The following PAPOLG variants were observed in gnomAD, a reference collection of about 807,000 sequenced individuals.
PAPOLG encodes PAP-gamma.
A neutral mutation model predicts 99.0 loss-of-function variants in PAPOLG; 40 were observed. The ratio of observed to expected loss-of-function variants is 0.40; its 90% CI spans 0.31 to 0.53. PAPOLG has a LOEUF of 0.53. PAPOLG is among the 20% of genes least tolerant of loss of function. The probability of loss-of-function intolerance (pLI) is 0.41; values close to 1 mark genes in which losing one functional copy is unlikely to be tolerated. For missense variants in PAPOLG, 675 were observed against 884.1 expected (o/e 0.76, Z 3.00); for synonymous variants, 310 against 299.3 (o/e 1.04, Z -0.37).
intron 1 of PAPOLG, among the ~76,000 whole-genome samples, chr2:60,756,697 G>A (rs1670352590): frequency 6.6e-6 from 1 of 152,112 alleles, no homozygotes; most frequent in Non-Finnish European, 1.5e-5. Context: ...ACGGACTCGG[G>A]GACTCCGGGA....
At chr2:60,768,689 C>T in intron 4 of PAPOLG, 92 bp from the exon 5 acceptor site, 1 of 1,360,092 alleles carries the variant, frequency 7.4e-7, no homozygotes, top group Non-Finnish European at 1.0e-6. Context: ...TACTCAACTT[C>T]CATACTTTCT....
At chr2:60,792,317 T>C (rs773053544) in intron 17 of PAPOLG, 28 bp downstream of exon 17, 12 of 1,561,746 alleles carry the variant, frequency 7.7e-6, no homozygotes, top group Non-Finnish European at 1.0e-5. Context: ...ATGTGTCCTT[T>C]TGGTTTTCTG....
chr2:60,758,672 A>G (rs1382321238), intron 1 of PAPOLG, among the ~76,000 whole-genome samples: 1 of 151,896 alleles, frequency 6.6e-6, no homozygotes, highest in African/African-American at 2.4e-5. Context: ...CAAGTAATCC[A>G]CCTGCCTTGG....
At chr2:60,785,327 C>T (rs545659940) in intron 13 of PAPOLG, among the ~76,000 whole-genome samples, 8 of 152,004 alleles carry the variant, frequency 5.3e-5, no homozygotes, top group South Asian at 4.2e-4. Flanking sequence ...TTAGTAGAGA[C>T]GGGGTTTCAC....
At position 60,779,702 on chromosome 2, in the gene PAPOLG, A is replaced by C; in HGVS notation, c.760A>C (p.Arg254=). ...TGTCTCCTGGGCAATGCTAGTTGCA[A>C]GAACTTGCCAATTGTATCCAAATGC... ...GGVSWAMLVA[R]TCQLYPNAAA... The change falls in exon 9 of 22, where the codon AGA becomes CGA. Residue 254 remains arginine, a synonymous_variant. Transcript: ENST00000238714. 2 of 1,614,100 alleles carry C rather than the reference A, an allele frequency of 1.2e-6. No individual in the cohort carries two copies. Among genetic ancestry groups the C allele is most frequent in the Non-Finnish European group, 1.7e-6 (2 of 1,179,944 alleles).
In PAPOLG at chr2:60,779,627, G is replaced by A. The variant is rs1360196553; in HGVS notation, c.695-10G>A. The A allele has an allele frequency of 3.8e-6, 6 of 1,599,316 alleles. No homozygotes were observed. Among genetic ancestry groups the A allele is most frequent in the Middle Eastern group, 1.7e-4 (1 of 6,010 alleles). On this transcript the variant is annotated splice_polypyrimidine_tract_variant and intron_variant, in intron 8 of 21. Coordinates refer to ENST00000238714, the MANE Select transcript of PAPOLG (RefSeq NM_022894.4). Reference sequence around the variant, plus strand: ...CCTAATAATAATTAACAAATATATTGATTTTCTAGGACGTGGTATTTATTC... The same window carrying A: ...CCTAATAATAATTAACAAATATATTAATTTTCTAGGACGTGGTATTTATTC...
intron 3 of PAPOLG, among the ~76,000 whole-genome samples, chr2:60,767,485 TAG>T (rs774719585): frequency 7.2e-5 from 11 of 152,088 alleles, no homozygotes; most frequent in Admixed American, 6.6e-5. Flanking sequence ...TTCTTTTTTG[TAG>T]AGATGGTGTC....
At chr2:60,789,901 C>T (rs1199743483) in intron 15 of PAPOLG, among the ~76,000 whole-genome samples, 1 of 152,098 alleles carries the variant, frequency 6.6e-6, no homozygotes, top group African/African-American at 2.4e-5. Flanking sequence ...ACCAACCTGG[C>T]CAACATGGTG....
At chr2:60,765,588 G>A (rs1034372894) in intron 3 of PAPOLG, among the ~76,000 whole-genome samples, 7 of 151,896 alleles carry the variant, frequency 4.6e-5, no homozygotes, top group Non-Finnish European at 7.4e-5. Context: ...AAGGATTTGG[G>A]TTTAATCAAA....
At position 60,782,543 on chromosome 2, in the gene PAPOLG, T is replaced by C. The variant is rs200740392; in HGVS notation, c.1028-143T>C. On this transcript the variant is annotated intron_variant, in intron 11 of 21. Coordinates refer to ENST00000238714, the MANE Select transcript of PAPOLG (RefSeq NM_022894.4). ...CCACACTCCAGCCTGGGTGACAGAG[T>C]GAGACTCTGTCTCAAAAAAAGAAAA... The C allele has an allele frequency of 2.3e-6, 3 of 1,297,006 alleles. No individual in the cohort carries two copies. The African/African-American group carries it at 5.2e-5, about 22-fold the overall frequency. 80.3% of individuals were successfully genotyped at this position (1,297,006 alleles called of 1,614,324 possible).
At chr2:60,771,701 A>AT in intron 7 of PAPOLG, 71 bp downstream of exon 7, 1 of 1,506,772 alleles carries the variant, frequency 6.6e-7, no homozygotes, top group Non-Finnish European at 8.9e-7. Flanking sequence ...TTTTTGCTGA[A>AT]TTGACTATTC....
At chr2:60,786,007 C>T (rs776990433) in intron 13 of PAPOLG, among the ~76,000 whole-genome samples, 4 of 152,028 alleles carry the variant, frequency 2.6e-5, no homozygotes, top group Non-Finnish European at 5.9e-5. Context: ...AAAAAAAGAA[C>T]ACACAGAAAT....
intron 12 of PAPOLG, 65 bp downstream of exon 12, chr2:60,782,835 T>G: frequency 3.4e-6 from 5 of 1,475,138 alleles, no homozygotes; most frequent in Non-Finnish European, 4.5e-6. Flanking sequence ...ATGTTAAACA[T>G]AGTTAATATA....
Position 60,760,200 on chromosome 2 carries a change from A to G in PAPOLG, c.84A>G (p.Ala28=), listed in dbSNP as rs756895246. 6 of 1,613,790 alleles carry G rather than the reference A, an allele frequency of 3.7e-6. No homozygotes were observed. The highest frequency in any genetic ancestry group is 2.2e-5 in the East Asian group (1 of 44,886). The change falls in exon 2 of 22, where the codon GCA becomes GCG. Residue 28 remains alanine, a synonymous_variant. Coordinates refer to ENST00000238714, the MANE Select transcript of PAPOLG (RefSeq NM_022894.4). ...HYGITSPISL[A]SPKEIDHIYT... is the part of the protein sequence containing the mutation. The stretch of plus-strand genomic sequence containing the variant: ...GAATTACCTCCCCAATTAGTTTGGC[A>G]TCTCCTAAAGAAATTGATCATATTT...
intron 5 of PAPOLG, among the ~76,000 whole-genome samples, chr2:60,769,203 T>G (rs1338398883): frequency 6.6e-6 from 1 of 152,170 alleles, no homozygotes; most frequent in East Asian, 1.9e-4. Flanking sequence ...TTTTGAGTAT[T>G]GATGAGATAT....
Position 60,792,204 on chromosome 2 carries a change from G to A in PAPOLG, c.1594G>A (p.Asp532Asn). The change falls in exon 17 of 22, where the codon GAT (aspartate) becomes AAT (asparagine). Residue 532 changes from aspartate to asparagine, a missense_variant. This residue lies in a region of PAPOLG where 413 missense variants were observed against 460.5 expected (regional missense o/e 0.90). Coordinates refer to ENST00000238714, the MANE Select transcript of PAPOLG (RefSeq NM_022894.4). ...ATTGTCTCTGGATAGCAGTTGTCTG[G>A]ATAGCTCCAGAGACACTGATAATGG... is the stretch of plus-strand genomic sequence containing the variant. The part of the protein sequence containing the change: ...KRLSLDSSCL[D>N]SSRDTDNGTP... 6.2e-7 allele frequency: 1 copy of A among 1,609,168 alleles called. No homozygotes were observed.
At chr2:60,780,972 A>C (rs1671170814) in intron 10 of PAPOLG, among the ~76,000 whole-genome samples, 193 bp downstream of exon 10, 1 of 152,156 alleles carries the variant, frequency 6.6e-6, no homozygotes, top group Non-Finnish European at 1.5e-5. Context: ...GCTGATCCAA[A>C]TGTTATGTCA....
rs565555683 is a variant in PAPOLG at position 60,756,340 on chromosome 2, C to G, written c.-139C>G. On this transcript the variant is annotated 5_prime_UTR_variant, in exon 1 of 22. Coordinates refer to ENST00000238714, the MANE Select transcript of PAPOLG (RefSeq NM_022894.4). ...GTGTTTTCACTACTCGGTTGGATGCCTCAGCCATAGTAAGTGGGAAAGTGA... is the reference window on the plus strand; with the variant it reads ...GTGTTTTCACTACTCGGTTGGATGCGTCAGCCATAGTAAGTGGGAAAGTGA... 3 of 1,073,750 alleles carry G rather than the reference C, an allele frequency of 2.8e-6. No homozygotes were observed. The highest frequency in any genetic ancestry group is 4.3e-6 in the Non-Finnish European group (3 of 699,340). 66.5% of individuals were successfully genotyped at this position (1,073,750 alleles called of 1,614,324 possible). A position where few individuals can be genotyped will look rare whatever the true frequency, so the allele number is the denominator to read the frequency against.
At chr2:60,782,849 C>T (rs942344218) in intron 12 of PAPOLG, 79 bp downstream of exon 12, 32 of 1,404,964 alleles carry the variant, frequency 2.3e-5, no homozygotes, top group Non-Finnish European at 2.6e-5. Context: ...TAATATATGG[C>T]AGGTGACAGC....
Sources: allele counts gnomAD v4.1 joint callset (sites outside exome capture counted in the v4.1 genomes callset), GRCh38; gene constraint gnomAD v4.1.1; regional missense constraint gnomAD v4.1.1; transcripts MANE v1.5; gene names NCBI Gene and HGNC (gene_info 2026-07-23, HGNC 2026-07-21).